The following FSTL4 variants were observed in gnomAD, a reference collection of about 807,000 sequenced individuals.
FSTL4 encodes follistatin-related protein 4.
In FSTL4, 28 loss-of-function variants were observed where a neutral mutation model predicts 78.2. The ratio of observed to expected loss-of-function variants is 0.36; its 90% CI spans 0.27 to 0.49. The LOEUF (loss-of-function observed/expected upper bound fraction) is 0.49. Ranked by LOEUF, FSTL4 falls within the 20% of genes least tolerant of loss-of-function variation. The probability of loss-of-function intolerance (pLI) is 0.98; values close to 1 mark genes in which losing one functional copy is unlikely to be tolerated. For synonymous variants in FSTL4, 422 were observed against 440.5 expected (o/e 0.96, Z 0.53); for missense variants, 922 against 1,084.9 (o/e 0.85, Z 2.11).
intron 3 of FSTL4, among the ~76,000 whole-genome samples, chr5:133,460,356 T>C (rs1757569148): frequency 6.6e-6 from 1 of 152,106 alleles, no homozygotes; most frequent in African/African-American, 2.4e-5. Context: ...CCACCTAGTG[T>C]GCAGCTGTCT....
intron 2 of FSTL4, among the ~76,000 whole-genome samples, chr5:133,570,042 T>C (rs974781285): frequency 2.4e-4 from 36 of 151,768 alleles, no homozygotes; most frequent in Non-Finnish European, 1.5e-4. Flanking sequence ...ACCCCATCTC[T>C]ACTAAAAATA....
At chr5:133,350,475 C>T (rs1016507184) in intron 4 of FSTL4, among the ~76,000 whole-genome samples, 3 of 152,222 alleles carry the variant, frequency 2.0e-5, no homozygotes, top group Admixed American at 6.5e-5. Context: ...TGACTACCTC[C>T]CCTGGTTCTT....
intron 4 of FSTL4, among the ~76,000 whole-genome samples, chr5:133,376,876 A>G (rs1204778511): frequency 3.2e-5 from 4 of 125,722 alleles, no homozygotes; most frequent in African/African-American, 1.2e-4. Context: ...GAGACAGAGC[A>G]AGAGTCTGTC....
chr5:133,246,590 A>C (rs1752044064), intron 7 of FSTL4: 1 of 152,228 alleles, frequency 6.6e-6, no homozygotes, highest in Admixed American at 6.5e-5. Flanking sequence ...GAGGCAGAGA[A>C]GCAGTGCCTC....
At chr5:133,203,310 A>C (rs906870634) in intron 14 of FSTL4, among the ~76,000 whole-genome samples, 1 of 152,166 alleles carries the variant, frequency 6.6e-6, no homozygotes, top group African/African-American at 2.4e-5. Context: ...GCAGGGTGAG[A>C]GCTGACTCTG....
intron 3 of FSTL4, among the ~76,000 whole-genome samples, chr5:133,475,014 T>C (rs1757901767): frequency 6.6e-6 from 1 of 152,098 alleles, no homozygotes; most frequent in Non-Finnish European, 1.5e-5. Context: ...AGAGAGAGAA[T>C]AAAAAGGAAT....
chr5:133,519,059 T>G (rs1470479501), intron 3 of FSTL4, among the ~76,000 whole-genome samples: 1 of 152,214 alleles, frequency 6.6e-6, no homozygotes, highest in Non-Finnish European at 1.5e-5. Flanking sequence ...AAAAAACTTT[T>G]GTAAAACCAA....
chr5:133,737,498 A>G, the FSTL4 span, among the ~76,000 whole-genome samples: 5 of 151,264 alleles, frequency 3.3e-5, no homozygotes, highest in African/African-American at 4.9e-5. Flanking sequence ...TTCTTTATTC[A>G]TTTATCTGTT....
the FSTL4 span, among the ~76,000 whole-genome samples, chr5:133,660,767 T>C: frequency 1.3e-5 from 2 of 152,216 alleles, no homozygotes; most frequent in Non-Finnish European, 2.9e-5. Flanking sequence ...CACACAGTCA[T>C]AGTCACTAAT....
At chr5:133,641,783 A>G in the FSTL4 span, among the ~76,000 whole-genome samples, 7 of 152,290 alleles carry the variant, frequency 4.6e-5, no homozygotes, top group African/African-American at 1.7e-4. Context: ...TTGTACTTGT[A>G]GAAGACTATT....
At chr5:133,425,611 TG>T (rs1756794820) in intron 3 of FSTL4, among the ~76,000 whole-genome samples, 1 of 152,250 alleles carries the variant, frequency 6.6e-6, no homozygotes, top group South Asian at 2.1e-4. Flanking sequence ...TTTCCACTGT[TG>T]GATATTCATT....
the FSTL4 span, among the ~76,000 whole-genome samples, chr5:133,620,485 T>C: frequency 6.6e-6 from 1 of 152,206 alleles, no homozygotes; most frequent in Non-Finnish European, 1.5e-5. Context: ...GTGAAGGTAA[T>C]TTTGAAGCAA....
At chr5:133,820,274 C>T in the FSTL4 span, among the ~76,000 whole-genome samples, 11 of 152,322 alleles carry the variant, frequency 7.2e-5, no homozygotes, top group Admixed American at 6.5e-5. Flanking sequence ...TCCCTCATGA[C>T]CTCCGTTTCA....
intron 4 of FSTL4, among the ~76,000 whole-genome samples, chr5:133,394,308 G>T (rs933426620): frequency 6.6e-6 from 1 of 152,250 alleles, no homozygotes; most frequent in African/African-American, 2.4e-5. Flanking sequence ...TCTCTGGGCT[G>T]GCCGAGGCTG....
At chr5:133,689,896 A>C in the FSTL4 span, among the ~76,000 whole-genome samples, 4 of 152,104 alleles carry the variant, frequency 2.6e-5, no homozygotes, top group Non-Finnish European at 4.4e-5. Context: ...CCCCGTTTCT[A>C]CTAAAAATAC....
intron 4 of FSTL4, among the ~76,000 whole-genome samples, chr5:133,370,423 A>G (rs1755269292): frequency 6.6e-6 from 1 of 151,706 alleles, no homozygotes; most frequent in Non-Finnish European, 1.5e-5. Context: ...GGAGAGTCCT[A>G]ATTTTTTTTT....
At chr5:133,402,933 G>A (rs1198229259) in intron 3 of FSTL4, among the ~76,000 whole-genome samples, 2 of 152,252 alleles carry the variant, frequency 1.3e-5, no homozygotes, top group African/African-American at 4.8e-5. Context: ...GATGGTGGCG[G>A]GGAGGGAAGG....
chr5:133,582,281 C>T (rs138305904), intron 2 of FSTL4, among the ~76,000 whole-genome samples: 23 of 152,308 alleles, frequency 1.5e-4, no homozygotes, highest in African/African-American at 5.3e-4. Context: ...GGCTCACCTG[C>T]ACCCCAGACC....
At chr5:133,625,292 C>T in the FSTL4 span, among the ~76,000 whole-genome samples, 1 of 151,616 alleles carries the variant, frequency 6.6e-6, no homozygotes, top group Non-Finnish European at 1.5e-5. Context: ...ATTCAATTTT[C>T]CTAATAGTTA....
Sources: gnomAD v4.1 joint callset for allele counts (sites outside exome capture counted in the v4.1 genomes callset) on GRCh38, gnomAD v4.1.1 for gene constraint, MANE v1.5 for transcripts, NCBI Gene and HGNC (gene_info 2026-07-23, HGNC 2026-07-21) for gene names.